The following HIPK3 variants were observed in gnomAD, a reference collection of about 807,000 sequenced individuals.
HIPK3 encodes the protein homeodomain interacting protein kinase 3.
In HIPK3, 47 loss-of-function variants were observed where a neutral mutation model predicts 124.2. That is an observed-to-expected ratio of 0.38 (90% CI 0.30 to 0.48). The LOEUF (loss-of-function observed/expected upper bound fraction) is 0.48. Ranked by LOEUF, HIPK3 falls within the 20% of genes least tolerant of loss-of-function variation. The pLI is 0.98. For missense variants in HIPK3, 1,286 were observed against 1,454.3 expected (o/e 0.88, Z 1.88); for synonymous variants, 482 against 515.2 (o/e 0.94, Z 0.87).
chr11:33,349,375 C>G, intron 14 of HIPK3, 88 bp downstream of exon 14: 4 of 1,002,036 alleles, frequency 4.0e-6, no homozygotes, highest in Non-Finnish European at 5.8e-6. Flanking sequence ...AAGTACCTGC[C>G]AGTTTACCAC....
intron 2 of HIPK3, among the ~76,000 whole-genome samples, chr11:33,310,261 TGTCTGTCTGTCTGTC>T (rs1190889251): frequency 2.8e-5 from 3 of 108,180 alleles, no homozygotes; most frequent in Non-Finnish European, 4.3e-5. Context: ...TCTGTCTGTC[TGTCTGTCTGTCTGTC>T]TATCTTATCT....
intron 8 of HIPK3, among the ~76,000 whole-genome samples, chr11:33,345,618 A>AG (rs1554968782): frequency 6.6e-6 from 1 of 150,486 alleles, no homozygotes; most frequent in African/African-American, 2.4e-5. Flanking sequence ...AAGTGAAGAG[A>AG]TTTTTTTTTT....
intron 3 of HIPK3, among the ~76,000 whole-genome samples, chr11:33,329,692 T>C (rs573997053): frequency 6.6e-6 from 1 of 152,196 alleles, no homozygotes; most frequent in Non-Finnish European, 1.5e-5. Flanking sequence ...TGTTCAGAAT[T>C]CCACTGGGTT....
chr11:33,272,008 G>A (rs1851137212), intron 1 of HIPK3, among the ~76,000 whole-genome samples: 1 of 152,152 alleles, frequency 6.6e-6, no homozygotes, highest in Non-Finnish European at 1.5e-5. Context: ...TGGTTTTAAT[G>A]CACAGCTTAT....
intron 8 of HIPK3, among the ~76,000 whole-genome samples, chr11:33,343,340 G>T (rs1177714017): frequency 4.0e-5 from 6 of 150,936 alleles, no homozygotes; most frequent in Non-Finnish European, 7.4e-5. Context: ...GAGTGTGGTA[G>T]CACGATCTTG....
In HIPK3 at chr11:33,257,724, G is replaced by C. The variant is rs901739127; in HGVS notation, c.-168G>C. ...GGTGTTTCGCCGTTTCCTCTCAGCC[G>C]CCAGGACAAGATGGCAGCGGCCGCG... On this transcript the variant is annotated 5_prime_UTR_variant, in exon 1 of 17. Coordinates refer to ENST00000303296, the MANE Select transcript of HIPK3 (RefSeq NM_005734.5). 2.4e-5 allele frequency: 24 copies of C among 989,526 alleles called. No individual in the cohort carries two copies. In the Admixed American group the frequency reaches 4.9e-4, roughly 20 times the overall value. 61.3% of individuals were successfully genotyped at this position (989,526 alleles called of 1,614,324 possible). A position where few individuals can be genotyped will look rare whatever the true frequency, so the allele number is the denominator to read the frequency against.
intron 1 of HIPK3, among the ~76,000 whole-genome samples, chr11:33,280,441 G>T (rs1004042025): frequency 2.0e-5 from 3 of 152,186 alleles, no homozygotes; most frequent in Non-Finnish European, 4.4e-5. Context: ...ATATATCAGG[G>T]AGTCACAGTG....
At chr11:33,279,148 T>TA (rs1424584876) in intron 1 of HIPK3, among the ~76,000 whole-genome samples, 1 of 151,956 alleles carries the variant, frequency 6.6e-6, no homozygotes, top group Non-Finnish European at 1.5e-5. Context: ...ACCCCATCTC[T>TA]ACTAAAAATA....
chr11:33,347,066 C>G (rs956396528), intron 8 of HIPK3, among the ~76,000 whole-genome samples: 1 of 151,768 alleles, frequency 6.6e-6, no homozygotes. Context: ...GCCTGTGGTC[C>G]CAGCTGCTCA....
chr11:33,276,314 GTTGAT>G (rs1851268957), intron 1 of HIPK3, among the ~76,000 whole-genome samples: 1 of 152,046 alleles, frequency 6.6e-6, no homozygotes, highest in Non-Finnish European at 1.5e-5. Flanking sequence ...CAGTCTTTAT[GTTGAT>G]TTGACATTGA....
intron 1 of HIPK3, among the ~76,000 whole-genome samples, chr11:33,270,021 A>G (rs1000732151): frequency 1.3e-5 from 2 of 152,056 alleles, no homozygotes; most frequent in African/African-American, 4.8e-5. Flanking sequence ...TTCGTTGCCC[A>G]AGCTGGAGTA....
At chr11:33,301,632 A>C (rs945766245) in intron 2 of HIPK3, among the ~76,000 whole-genome samples, 20 of 151,860 alleles carry the variant, frequency 1.3e-4, no homozygotes, top group South Asian at 2.1e-4. Flanking sequence ...AAAAAAAAAA[A>C]AAAAACTTGG....
rs757915190 is a variant in HIPK3, at chr11:33,353,408, A to G, written c.3488A>G (p.Gln1163Arg). Residue 1163 changes from glutamine to arginine, a missense_variant, in exon 17 of 17, where the codon CAA (glutamine) becomes CGA (arginine). Gln to Arg is a conservative substitution (Grantham distance 43). This residue lies in a region of HIPK3 where 810 missense variants were observed against 864.9 expected (regional missense o/e 0.94). Transcript: ENST00000303296. ...TCCCATCCCAGTGGCATAGTTCACC[A>G]AGTCCCAGTGGGCTTAAATCCCCGT... ...NISHPSGIVH[Q>R]VPVGLNPRLL... 9 of 1,613,980 alleles carry G rather than the reference A, an allele frequency of 5.6e-6. No homozygotes were observed. In the Admixed American group the frequency reaches 1.3e-4, roughly 24 times the overall value.
In HIPK3 at chr11:33,286,952, G is replaced by A; in HGVS notation, c.538G>A (p.Gly180Ser). ...GSKQNCTTGE[G>S]DYQLVQHEVL... Reference sequence around the variant, plus strand: ...AAAACAGAATTGTACCACTGGAGAAGGTGACTATCAGTTAGTACAGCATGA... The same window carrying A: ...AAAACAGAATTGTACCACTGGAGAAAGTGACTATCAGTTAGTACAGCATGA... Residue 180 changes from glycine (G) to serine (S), a missense_variant, in exon 2 of 17, where the codon GGT becomes AGT. This residue lies in a region of HIPK3 where 225 missense variants were observed against 240.3 expected (regional missense o/e 0.94). Transcript: ENST00000303296. 1 of 1,614,132 alleles carries A rather than the reference G, an allele frequency of 6.2e-7. No individual in the cohort carries two copies. The highest frequency in any genetic ancestry group is 8.5e-7 in the Non-Finnish European group (1 of 1,180,000).
At chr11:33,306,354 GAA>G (rs879913019) in intron 2 of HIPK3, among the ~76,000 whole-genome samples, 3 of 151,952 alleles carry the variant, frequency 2.0e-5, no homozygotes, top group South Asian at 2.1e-4. Context: ...AAAATACTTA[GAA>G]AAAATAAATT....
intron 1 of HIPK3, among the ~76,000 whole-genome samples, chr11:33,284,193 T>G (rs774295198): frequency 9.2e-5 from 14 of 152,170 alleles, no homozygotes; most frequent in Non-Finnish European, 1.9e-4. Context: ...GTTAATATAA[T>G]ACAGATTTTT....
chr11:33,295,786 T>C lies in HIPK3; in HGVS notation c.1097+8275T>C, dbSNP rs529327992. Among the ~76,000 whole-genome samples the C allele has an allele frequency of 1.6e-3, 237 of 152,354 alleles. 5 individuals are homozygous for C. The highest frequency in any genetic ancestry group is 5.6e-4 in the Non-Finnish European group (38 of 68,034). Reference sequence around the variant, plus strand: ...CACACATATTGAGAGGCGCATGATGTCAATTTGTCCCATTATTGGTAAGGC... The same window carrying C: ...CACACATATTGAGAGGCGCATGATGCCAATTTGTCCCATTATTGGTAAGGC... On this transcript the variant is annotated intron_variant, in intron 2 of 16. Transcript: ENST00000303296.
rs1325864134 is a variant in HIPK3, at chr11:33,353,377, A to C, written c.3457A>C (p.Asn1153His). The C allele has an allele frequency of 1.4e-5, 23 of 1,613,974 alleles. No homozygotes were observed. The highest frequency in any genetic ancestry group is 1.9e-5 in the Non-Finnish European group (22 of 1,180,004). ...SRPMLQHPTY[N>H]ISHPSGIVHQ... ...ACCTATGTTACAGCATCCAACTTATAATATCTCCCATCCCAGTGGCATAGT... is the reference window on the plus strand; with the variant it reads ...ACCTATGTTACAGCATCCAACTTATCATATCTCCCATCCCAGTGGCATAGT... Residue 1153 changes from asparagine (N) to histidine (H), a missense_variant, in exon 17 of 17, where the codon AAT becomes CAT. Transcript: ENST00000303296.
chr11:33,337,138 T>A lies in HIPK3; in HGVS notation c.1285T>A (p.Ser429Thr), dbSNP rs144565971. 5.6e-4 allele frequency: 883 copies of A among 1,584,630 alleles called. No homozygotes were observed. The highest frequency in any genetic ancestry group is 7.4e-4 in the Non-Finnish European group (849 of 1,154,520). Residue 429 changes from serine (S) to threonine (T), a missense_variant, in exon 4 of 17, where the codon TCC (serine) becomes ACC (threonine). Coordinates refer to ENST00000303296, the MANE Select transcript of HIPK3 (RefSeq NM_005734.5). ...ACAGTTGTTAAATGTGGGTACTAAA[T>A]CCACAAGATTTTTTTGCAAAGAAAC... ...GEQLLNVGTK[S>T]TRFFCKETDM...
Sources: allele counts gnomAD v4.1 joint callset (sites outside exome capture counted in the v4.1 genomes callset), GRCh38; gene constraint gnomAD v4.1.1; regional missense constraint gnomAD v4.1.1; transcripts MANE v1.5; gene names NCBI Gene and HGNC (gene_info 2026-07-23, HGNC 2026-07-21).